The following PDE4D variants were observed in gnomAD, a reference collection of about 807,000 sequenced individuals.
The protein encoded by PDE4D is phosphodiesterase 4D, also known as 3',5'-cyclic-AMP phosphodiesterase 4D.
In PDE4D, 24 loss-of-function variants were observed where a neutral mutation model predicts 87.4. The ratio of observed to expected loss-of-function variants is 0.27; its 90% CI spans 0.20 to 0.39. PDE4D has a LOEUF of 0.39. PDE4D is among the 10% of genes least tolerant of loss of function. The probability of loss-of-function intolerance (pLI) is 1.00; values close to 1 mark genes in which losing one functional copy is unlikely to be tolerated. For synonymous variants in PDE4D, 384 were observed against 383.2 expected, an observed-to-expected ratio of 1.00 and a Z score of -0.02; for missense variants, 714 against 1,041.0, an observed-to-expected ratio of 0.69 and a Z score of 4.32.
chr5:60,411,335 A>T (rs1034256185), intron 1 of PDE4D, among the ~76,000 whole-genome samples: 14 of 152,330 alleles, frequency 9.2e-5, no homozygotes, highest in African/African-American at 3.4e-4. Context: ...GGACTAAAAG[A>T]CTAGCTTAAG....
intron 1 of PDE4D, among the ~76,000 whole-genome samples, chr5:60,236,169 A>T (rs1180552368): frequency 1.4e-5 from 2 of 147,320 alleles, no homozygotes; most frequent in African/African-American, 5.0e-5. Flanking sequence ...AAATGTTAGG[A>T]CTTAGTGCTT....
chr5:59,310,774 T>C (rs984990147), intron 1 of PDE4D, among the ~76,000 whole-genome samples: 1 of 152,200 alleles, frequency 6.6e-6, no homozygotes, highest in Non-Finnish European at 1.5e-5. Flanking sequence ...TTGTTTTCCA[T>C]GCTTCCCCAG....
At chr5:60,021,011 T>C (rs1341738168) in intron 2 of PDE4D, among the ~76,000 whole-genome samples, 1 of 152,210 alleles carries the variant, frequency 6.6e-6, no homozygotes, top group African/African-American at 2.4e-5. Context: ...TTTGGGATCA[T>C]GTTTGCATTT....
intron 1 of PDE4D, among the ~76,000 whole-genome samples, chr5:59,562,336 G>A (rs760510757): frequency 2.0e-5 from 3 of 152,076 alleles, no homozygotes; most frequent in African/African-American, 7.2e-5. Flanking sequence ...TATACTATGT[G>A]TATATATTAT....
At chr5:59,193,779 G>C in intron 2 of PDE4D, 5 of 985,416 alleles carry the variant, frequency 5.1e-6, no homozygotes, top group Non-Finnish European at 6.0e-6. Flanking sequence ...CAGGGTCACT[G>C]TTGCTTTTTA....
chr5:60,072,035 C>T (rs1772778820), intron 2 of PDE4D, among the ~76,000 whole-genome samples: 1 of 152,108 alleles, frequency 6.6e-6, no homozygotes, highest in African/African-American at 2.4e-5. Flanking sequence ...CGTATACATC[C>T]AGTAATGGGA....
chr5:59,635,779 T>C (rs904931642), intron 1 of PDE4D, among the ~76,000 whole-genome samples: 4 of 152,132 alleles, frequency 2.6e-5, no homozygotes, highest in Admixed American at 6.5e-5. Flanking sequence ...GCCAACAACA[T>C]ACTGAATGGG....
chr5:60,450,332 A>G (rs1436576319), intron 1 of PDE4D, among the ~76,000 whole-genome samples: 1 of 152,066 alleles, frequency 6.6e-6, no homozygotes, highest in Non-Finnish European at 1.5e-5. Context: ...AGGTATTCAA[A>G]AGGTGGTTTT....
chr5:59,334,629 T>C (rs1777349947), intron 1 of PDE4D, among the ~76,000 whole-genome samples: 1 of 152,098 alleles, frequency 6.6e-6, no homozygotes, highest in Non-Finnish European at 1.5e-5. Flanking sequence ...AGCTTTTATG[T>C]TAGTTGTGAG....
intron 1 of PDE4D, among the ~76,000 whole-genome samples, chr5:59,679,618 G>A (rs1298161958): frequency 1.3e-5 from 2 of 152,086 alleles, no homozygotes; most frequent in Non-Finnish European, 2.9e-5. Context: ...TAATGTATGA[G>A]AAAGATAACC....
intron 2 of PDE4D, among the ~76,000 whole-genome samples, chr5:59,214,795 G>T (rs1261508610): frequency 6.6e-6 from 1 of 152,162 alleles, no homozygotes; most frequent in African/African-American, 2.4e-5. Context: ...GTAAAAATGA[G>T]TGAAATATAA....
intron 5 of PDE4D, among the ~76,000 whole-genome samples, chr5:59,094,751 C>CA (rs970933148): frequency 1.3e-5 from 2 of 151,696 alleles, no homozygotes; most frequent in African/African-American, 2.4e-5. Flanking sequence ...ATGCCTGAGA[C>CA]AAAAAAAGGT....
rs939900937 is a variant in PDE4D at position 59,843,420 on chromosome 5, T to C, written c.455+49748A>G. Among the ~76,000 whole-genome samples, 8 of 151,920 alleles carry C rather than the reference T, an allele frequency of 5.3e-5. 1 individual carries two copies. Among genetic ancestry groups the C allele is most frequent in the Non-Finnish European group, 1.0e-4 (7 of 67,898 alleles). On this transcript the variant is annotated intron_variant, in intron 1 of 14. Transcript: ENST00000340635. ...TGCAGAGCCAAAAAAAAATCATCTC[T>C]ATCCATTCCCTACCCTACTCCCCCC...
chr5:60,209,325 A>G (rs1333175724), intron 1 of PDE4D, among the ~76,000 whole-genome samples: 2 of 151,946 alleles, frequency 1.3e-5, no homozygotes, highest in African/African-American at 4.8e-5. Flanking sequence ...TCCAGAGACA[A>G]AGAAAATTAT....
intron 1 of PDE4D, among the ~76,000 whole-genome samples, chr5:59,448,382 T>G (rs1798649320): frequency 6.6e-6 from 1 of 152,168 alleles, no homozygotes; most frequent in South Asian, 2.1e-4. Flanking sequence ...CTCTTCCCAT[T>G]GTTACTCCCT....
At position 58,990,901 on chromosome 5, in the gene PDE4D, T is replaced by C; in HGVS notation, c.1190A>G (p.Glu397Gly). The C allele has an allele frequency of 6.6e-7, 1 of 1,518,984 alleles. No individual in the cohort carries two copies. The highest frequency in any genetic ancestry group is 9.0e-7 in the Non-Finnish European group (1 of 1,115,178). The allele number at this position is 1,518,984 out of a possible 1,614,324, so 94.1% of individuals were successfully genotyped here. A position where few individuals can be genotyped will look rare whatever the true frequency, so the allele number is the denominator to read the frequency against. ...KTEQEDVLAK[E>G]LEDVNKWGLH... ...ACCCCATTTGTTCACATCTTCTAGT[T>C]CCTGGAGTGAAAAAAAAAAAAAGAT... Residue 397 changes from glutamate to glycine, a missense_variant and splice_region_variant, in exon 9 of 15, where the codon GAA becomes GGA. Glu to Gly is a moderately conservative substitution (Grantham distance 98, BLOSUM62 -2). Transcript: ENST00000340635.
chr5:59,118,843 G>A (rs1436479892), intron 5 of PDE4D, among the ~76,000 whole-genome samples: 1 of 152,158 alleles, frequency 6.6e-6, no homozygotes, highest in Admixed American at 6.5e-5. Context: ...GTTGGTCTCT[G>A]CTTAATACCA....
At chr5:59,663,221 T>A (rs2017574) in intron 1 of PDE4D, among the ~76,000 whole-genome samples, 39,007 of 152,026 alleles carry the variant, frequency 0.26, 5,307 homozygotes, top group African/African-American at 0.32. Context: ...CTGGAGTACA[T>A]TGGCGTGATC....
chr5:59,087,199 A>G (rs1767861049), intron 5 of PDE4D, among the ~76,000 whole-genome samples: 1 of 152,192 alleles, frequency 6.6e-6, no homozygotes, highest in Non-Finnish European at 1.5e-5. Flanking sequence ...CGTTAAAAAA[A>G]TAAGGCCAGA....
Sources: allele counts gnomAD v4.1 joint callset (sites outside exome capture counted in the v4.1 genomes callset), GRCh38; gene constraint gnomAD v4.1.1; transcripts MANE v1.5; gene names NCBI Gene and HGNC (gene_info 2026-07-23, HGNC 2026-07-21).